Variants in SLC39A8 observed in about 807,000 individuals in gnomAD.
The protein encoded by SLC39A8 is solute carrier family 39 member 8, also known as metal cation symporter ZIP8.
Under a neutral mutation model 40.4 loss-of-function variants are expected in SLC39A8, and 15 were observed. The observed-to-expected ratio is 0.37, with a 90% CI of 0.25 to 0.57. The LOEUF (loss-of-function observed/expected upper bound fraction) is 0.57, where lower values mean the gene tolerates loss of function less well. Among genes scored for constraint, SLC39A8 ranks in the 20% least tolerant of loss-of-function variants. The probability of loss-of-function intolerance (pLI) is 0.75; values close to 1 mark genes in which losing one functional copy is unlikely to be tolerated. For missense variants in SLC39A8, 472 were observed against 558.8 expected, an observed-to-expected ratio of 0.84 and a Z score of 1.57; for synonymous variants, 223 against 221.6, an observed-to-expected ratio of 1.01 and a Z score of -0.06.
chr4:102,283,782 A>T (rs1221837486), intron 6 of SLC39A8, among the ~76,000 whole-genome samples: 1 of 152,246 alleles, frequency 6.6e-6, no homozygotes, highest in South Asian at 2.1e-4. Context: ...AGGAATGCTT[A>T]CTTTGAAGAA....
Position 102,304,308 on chromosome 4 carries a change from A to G in SLC39A8, c.840+9T>C, listed in dbSNP as rs1187545430. 1 of 1,601,484 alleles carries G rather than the reference A, an allele frequency of 6.2e-7. No homozygotes were observed. ...AGTATAATGAAGGAAAAATGGAATTAACATATACCTGTAGAGATACCACAC... is the reference window on the plus strand; with the variant it reads ...AGTATAATGAAGGAAAAATGGAATTGACATATACCTGTAGAGATACCACAC... On this transcript the variant is annotated intron_variant, in intron 6 of 8. Transcript: ENST00000356736.
chr4:102,264,409 C>T (rs1221022258), intron 8 of SLC39A8, among the ~76,000 whole-genome samples: 2 of 152,186 alleles, frequency 1.3e-5, no homozygotes, highest in Non-Finnish European at 2.9e-5. Context: ...TTAAAATACT[C>T]ACTAAACCAT....
chr4:102,306,519 T>C (rs1030148026), intron 4 of SLC39A8, among the ~76,000 whole-genome samples: 48 of 150,354 alleles, frequency 3.2e-4, no homozygotes, highest in Middle Eastern at 3.4e-3. Flanking sequence ...CCACTTTCAA[T>C]GTATAGCTTG....
At chr4:102,287,545 A>G (rs1190333457) in intron 6 of SLC39A8, among the ~76,000 whole-genome samples, 1 of 151,952 alleles carries the variant, frequency 6.6e-6, no homozygotes, top group Non-Finnish European at 1.5e-5. Flanking sequence ...GCGCCACTCC[A>G]TTTGCATCAC....
intron 6 of SLC39A8, among the ~76,000 whole-genome samples, chr4:102,282,954 T>C (rs1054492038): frequency 1.3e-5 from 2 of 152,072 alleles, no homozygotes; most frequent in African/African-American, 2.4e-5. Flanking sequence ...TCTCGATCTC[T>C]TGACCTCATG....
chr4:102,324,212 T>C (rs1735096314), intron 2 of SLC39A8: 1 of 289,594 alleles, frequency 3.5e-6, no homozygotes, highest in South Asian at 2.8e-5. Context: ...CTGGCCAACA[T>C]GGTGAAACCC....
At chr4:102,268,755 C>A (rs1275650711) in intron 6 of SLC39A8, among the ~76,000 whole-genome samples, 1 of 152,166 alleles carries the variant, frequency 6.6e-6, no homozygotes. Flanking sequence ...ATGGAACAGG[C>A]TAGCCTTTAC....
chr4:102,262,882 T>A lies in SLC39A8; in HGVS notation c.*162A>T. 7.2e-7 allele frequency: 1 copy of A among 1,382,228 alleles called. No individual in the cohort carries two copies. The highest frequency in any genetic ancestry group is 1.8e-5 in the South Asian group (1 of 55,574). 85.6% of individuals were successfully genotyped at this position (1,382,228 alleles called of 1,614,324 possible). Reference sequence around the variant, plus strand: ...CTTTTGAAGCATTTTTAACAACAAATAATGGACTATTTCACAGACTGATGC... The same window carrying A: ...CTTTTGAAGCATTTTTAACAACAAAAAATGGACTATTTCACAGACTGATGC... On this transcript the variant is annotated 3_prime_UTR_variant, in exon 9 of 9. Coordinates refer to ENST00000356736, the MANE Select transcript of SLC39A8 (RefSeq NM_001135146.2).
chr4:102,280,481 T>C (rs1184676641), intron 6 of SLC39A8, among the ~76,000 whole-genome samples: 1 of 152,212 alleles, frequency 6.6e-6, no homozygotes, highest in African/African-American at 2.4e-5. Context: ...CATGAATATA[T>C]TAAAAAGAGT....
chr4:102,304,585 A>G, intron 5 of SLC39A8, 104 bp from the exon 6 acceptor site: 1 of 883,986 alleles, frequency 1.1e-6, no homozygotes, highest in Non-Finnish European at 1.7e-6. Flanking sequence ...GGAAAATTGT[A>G]TGTCTATTCT....
intron 2 of SLC39A8, among the ~76,000 whole-genome samples, chr4:102,335,386 T>C (rs1735622267): frequency 6.6e-6 from 1 of 152,204 alleles, no homozygotes; most frequent in African/African-American, 2.4e-5. Context: ...CTCTCACTTC[T>C]TCCAGTTAGA....
chr4:102,325,597 G>A (rs1350358967), intron 2 of SLC39A8, among the ~76,000 whole-genome samples: 1 of 152,164 alleles, frequency 6.6e-6, no homozygotes, highest in Admixed American at 6.5e-5. Flanking sequence ...AGAGAATGCT[G>A]CTATAAATAA....
intron 8 of SLC39A8, among the ~76,000 whole-genome samples, chr4:102,264,937 G>A (rs555193006): frequency 1.3e-5 from 2 of 152,312 alleles, no homozygotes; most frequent in African/African-American, 2.4e-5. Context: ...GTTGCTTAAC[G>A]GAATGTTGTA....
rs74316123 is a variant in SLC39A8 at position 102,273,645 on chromosome 4, T to C, written c.841-5566A>G. On this transcript the variant is annotated intron_variant, in intron 6 of 8. Coordinates refer to ENST00000356736, the MANE Select transcript of SLC39A8 (RefSeq NM_001135146.2). ...GTGGGTCCCTGACCCCTGTGCCTCC[T>C]GACTGGGAGACACCTCCCAGCAGGG... Among the ~76,000 whole-genome samples, 928 of 152,300 alleles carry C rather than the reference T, an allele frequency of 6.1e-3. 5 individuals carry two copies. Among genetic ancestry groups the C allele is most frequent in the Non-Finnish European group, 1.0e-2 (679 of 68,022 alleles).
intron 2 of SLC39A8, among the ~76,000 whole-genome samples, chr4:102,333,337 T>C (rs992555195): frequency 3.9e-5 from 6 of 152,142 alleles, no homozygotes; most frequent in African/African-American, 1.2e-4. Context: ...GCTAGACATA[T>C]TATCTGATTT....
intron 3 of SLC39A8, among the ~76,000 whole-genome samples, chr4:102,314,949 T>G (rs1734593497): frequency 6.6e-6 from 1 of 152,148 alleles, no homozygotes; most frequent in Non-Finnish European, 1.5e-5. Flanking sequence ...TGTCGTTCAA[T>G]AAATATTTGC....
At chr4:102,296,058 G>A (rs1048072150) in intron 6 of SLC39A8, among the ~76,000 whole-genome samples, 2 of 152,100 alleles carry the variant, frequency 1.3e-5, no homozygotes, top group African/African-American at 4.8e-5. Flanking sequence ...TTAAGAGAGA[G>A]TAAATGTTCC....
chr4:102,300,949 C>T (rs932292630), intron 6 of SLC39A8, among the ~76,000 whole-genome samples: 2 of 151,962 alleles, frequency 1.3e-5, no homozygotes, highest in African/African-American at 4.8e-5. Flanking sequence ...CAGTCTGTTG[C>T]TCAATTTGTT....
chr4:102,321,267 C>T (rs1270552336), intron 2 of SLC39A8, among the ~76,000 whole-genome samples: 1 of 152,124 alleles, frequency 6.6e-6, no homozygotes, highest in Non-Finnish European at 1.5e-5. Flanking sequence ...ACAACATTGA[C>T]GATAGAATGC....
Sources: allele counts gnomAD v4.1 joint callset (sites outside exome capture counted in the v4.1 genomes callset), GRCh38; gene constraint gnomAD v4.1.1; transcripts MANE v1.5; gene names NCBI Gene and HGNC (gene_info 2026-07-23, HGNC 2026-07-21).